The following CACNA1D variants were observed in gnomAD, a reference collection of about 807,000 sequenced individuals.
The protein encoded by CACNA1D is voltage-dependent L-type calcium channel subunit alpha-1D.
CACNA1D carries 55 observed loss-of-function variants against 257.1 expected under a neutral mutation model. The observed-to-expected ratio is 0.21, with a 90% CI of 0.17 to 0.27. The LOEUF is 0.27. Among genes scored for constraint, CACNA1D ranks in the 10% least tolerant of loss-of-function variants. CACNA1D has a pLI of 1.00. For missense variants in CACNA1D, 1,876 were observed against 2,784.0 expected, an observed-to-expected ratio of 0.67 and a Z score of 7.34; for synonymous variants, 980 against 1,014.9, an observed-to-expected ratio of 0.97 and a Z score of 0.65.
rs141162534 is a variant in CACNA1D at position 53,506,259 on chromosome 3, C to T, written c.483+4539C>T. On this transcript the variant is annotated intron_variant, in intron 3 of 47. Coordinates refer to ENST00000350061, the MANE Select transcript of CACNA1D (RefSeq NM_001128840.3). ...CCTTCTCTGATACTTGTCCACTCCCCGCCTGCCTACATCTGAGTACTTGCT... is the reference window on the plus strand; with the variant it reads ...CCTTCTCTGATACTTGTCCACTCCCTGCCTGCCTACATCTGAGTACTTGCT... Among the ~76,000 whole-genome samples the T allele has an allele frequency of 5.9e-5, 9 of 152,332 alleles. No homozygotes were observed. In the East Asian group the frequency reaches 9.6e-4, roughly 16 times the overall value.
chr3:53,500,253 T>TGA (rs753287714), intron 2 of CACNA1D, among the ~76,000 whole-genome samples: 680 of 40,946 alleles, frequency 0.017, 18 homozygotes, highest in African/African-American at 0.064. Flanking sequence ...CTGTCTCTAC[T>TGA]AAAAAAAAAA....
At chr3:53,731,355 A>G (rs542064023) in intron 17 of CACNA1D, among the ~76,000 whole-genome samples, 1 of 152,374 alleles carries the variant, frequency 6.6e-6, no homozygotes, top group African/African-American at 2.4e-5. Flanking sequence ...ATATTTCACC[A>G]GAAAACCAAT....
intron 28 of CACNA1D, among the ~76,000 whole-genome samples, chr3:53,752,147 C>G (rs919510927): frequency 1.3e-5 from 2 of 152,174 alleles, no homozygotes; most frequent in African/African-American, 4.8e-5. Context: ...TCCATGGAGC[C>G]TGGCATTGGT....
chr3:53,713,507 T>C (rs1444373677), intron 9 of CACNA1D, among the ~76,000 whole-genome samples: 1 of 116,206 alleles, frequency 8.6e-6, no homozygotes, highest in African/African-American at 4.2e-5. Context: ...TGTGTATGTG[T>C]GTGTGTGTGT....
At chr3:53,616,138 A>T (rs919045431) in intron 3 of CACNA1D, among the ~76,000 whole-genome samples, 9 of 152,072 alleles carry the variant, frequency 5.9e-5, no homozygotes, top group Non-Finnish European at 1.2e-4. Flanking sequence ...CTCAGTTGGG[A>T]TGGTGCAGGT....
At position 53,803,829 on chromosome 3, in the gene CACNA1D, T is replaced by C. The variant is rs2095548393; in HGVS notation, c.5585+257T>C. ...GGCCTTTTAGTGAAGGCTTGGGAAA[T>C]GGGAGATGGGCCTGCTTCGTGGCTG... is the stretch of plus-strand genomic sequence containing the variant. On this transcript the variant is annotated intron_variant, in intron 44 of 47. Coordinates refer to ENST00000350061, the MANE Select transcript of CACNA1D (RefSeq NM_001128840.3). Among the ~76,000 whole-genome samples, 3 of 152,310 alleles carry C rather than the reference T, an allele frequency of 2.0e-5. No individual in the cohort carries two copies. In the South Asian group the frequency reaches 6.2e-4, roughly 32 times the overall value.
At chr3:53,626,544 C>G (rs1005409173) in intron 3 of CACNA1D, among the ~76,000 whole-genome samples, 9 of 151,256 alleles carry the variant, frequency 6.0e-5, no homozygotes, top group Admixed American at 5.9e-4. Flanking sequence ...TAACCTGAGC[C>G]GAGGCCCTGA....
intron 11 of CACNA1D, among the ~76,000 whole-genome samples, chr3:53,722,023 C>T (rs556421115): frequency 2.4e-4 from 37 of 152,304 alleles, no homozygotes; most frequent in African/African-American, 8.4e-4. Context: ...GATTTTCTAA[C>T]CCACTTAAGG....
At chr3:53,587,638 T>C (rs979453904) in intron 3 of CACNA1D, among the ~76,000 whole-genome samples, 6 of 152,224 alleles carry the variant, frequency 3.9e-5, no homozygotes, top group African/African-American at 9.6e-5. Context: ...ACTGGAATAG[T>C]GGACAGGAAT....
intron 3 of CACNA1D, among the ~76,000 whole-genome samples, chr3:53,524,054 T>C (rs2107375470): frequency 6.6e-6 from 1 of 152,308 alleles, no homozygotes; most frequent in South Asian, 2.1e-4. Context: ...TTCCATATGG[T>C]CCTGAAACTT....
intron 7 of CACNA1D, 28 bp from the exon 8 acceptor site, chr3:53,672,995 T>C (rs1414802189): frequency 6.9e-7 from 1 of 1,449,666 alleles, no homozygotes; most frequent in East Asian, 2.5e-5. Flanking sequence ...ATTAACCCAC[T>C]CCTATGAGAC....
In CACNA1D at chr3:53,751,409, A is replaced by G. The variant is rs1319347418; in HGVS notation, c.3517-340A>G. 1.3e-5 allele frequency among the ~76,000 whole-genome samples: 2 copies of G among 152,246 alleles called. No individual in the cohort carries two copies. The highest frequency in any genetic ancestry group is 2.1e-4 in the South Asian group (1 of 4,836). On this transcript the variant is annotated intron_variant, in intron 27 of 47. Transcript: ENST00000350061. This position sits in a 1 kb window ranked among gnomAD's most constrained non-coding sequence, Gnocchi z 4.3. ...AAAGGCAGTGATAAGGCCTGGACCCAGTCCTCACTCCTGCTTGTGTATACA... is the reference window on the plus strand; with the variant it reads ...AAAGGCAGTGATAAGGCCTGGACCCGGTCCTCACTCCTGCTTGTGTATACA...
rs542892512 is a variant in CACNA1D, at chr3:53,756,912, G to A, written c.3786+3230G>A. ...TGCGGTTACTGGCCTTCTCCAGTGAGCCATACTTCGTTCCCATCTTAGTCC... is the reference window on the plus strand; with the variant it reads ...TGCGGTTACTGGCCTTCTCCAGTGAACCATACTTCGTTCCCATCTTAGTCC... On this transcript the variant is annotated intron_variant, in intron 29 of 47. Coordinates refer to ENST00000350061, the MANE Select transcript of CACNA1D (RefSeq NM_001128840.3). Among the ~76,000 whole-genome samples, 26 of 152,300 alleles carry A rather than the reference G, an allele frequency of 1.7e-4. 1 individual carries two copies. The South Asian group carries it at 4.1e-3, about 24-fold the overall frequency.
chr3:53,592,128 G>T (rs2093314316), intron 3 of CACNA1D, among the ~76,000 whole-genome samples: 1 of 152,194 alleles, frequency 6.6e-6, no homozygotes, highest in Non-Finnish European at 1.5e-5. Context: ...CTCCTGTTCT[G>T]GTGGAGCTAT....
chr3:53,565,851 C>T (rs1263338164), intron 3 of CACNA1D, among the ~76,000 whole-genome samples: 3 of 151,994 alleles, frequency 2.0e-5, no homozygotes, highest in African/African-American at 7.3e-5. Flanking sequence ...AATAGAATAC[C>T]CAGAGATACC....
chr3:53,640,018 T>C (rs2093932840), intron 3 of CACNA1D, among the ~76,000 whole-genome samples: 1 of 151,972 alleles, frequency 6.6e-6, no homozygotes, highest in Non-Finnish European at 1.5e-5. Context: ...CGTGCCACCA[T>C]ACTCAGCTAA....
chr3:53,661,234 A>G (rs1185443917), intron 5 of CACNA1D, among the ~76,000 whole-genome samples: 6 of 152,352 alleles, frequency 3.9e-5, no homozygotes, highest in South Asian at 4.1e-4. Flanking sequence ...TCATAAAGCC[A>G]TCAGAAGAAC....
chr3:53,740,357 A>T lies in CACNA1D; in HGVS notation c.2811+18A>T, dbSNP rs963310520. On this transcript the variant is annotated intron_variant, in intron 21 of 47. Transcript: ENST00000350061. ...TGTTGAAGGTAATGAATTTTCCTTG[A>T]TCTTCACATACTCCACAGCAGCTGG... The T allele has an allele frequency of 6.5e-7, 1 of 1,540,050 alleles. No homozygotes were observed. The highest frequency in any genetic ancestry group is 9.0e-7 in the Non-Finnish European group (1 of 1,112,576).
chr3:53,717,077 A>G (rs1305018029), intron 9 of CACNA1D, among the ~76,000 whole-genome samples: 1 of 152,234 alleles, frequency 6.6e-6, no homozygotes, highest in African/African-American at 2.4e-5. Flanking sequence ...CATCCTTGCT[A>G]AGGGGAGCCA....
Sources: allele counts gnomAD v4.1 joint callset (sites outside exome capture counted in the v4.1 genomes callset), GRCh38; gene constraint gnomAD v4.1.1; non-coding constraint Gnocchi (gnomAD v3.1); transcripts MANE v1.5; gene names NCBI Gene and HGNC (gene_info 2026-07-23, HGNC 2026-07-21).